The following TTC39A variants were observed in gnomAD, a reference collection of about 807,000 sequenced individuals.
TTC39A encodes tetratricopeptide repeat protein 39A.
Under a neutral mutation model 82.3 loss-of-function variants are expected in TTC39A, and 46 were observed. That is an observed-to-expected ratio of 0.56 (90% confidence interval 0.44 to 0.71). The LOEUF (loss-of-function observed/expected upper bound fraction) is 0.71, where lower values mean the gene tolerates loss of function less well. Among genes scored for constraint, TTC39A ranks in the 30% least tolerant of loss-of-function variants. TTC39A has a pLI of 0.00. For synonymous variants in TTC39A, 254 were observed against 275.2 expected, an observed-to-expected ratio of 0.92 and a Z score of 0.76; for missense variants, 543 against 712.9, an observed-to-expected ratio of 0.76 and a Z score of 2.71.
At position 51,299,528 on chromosome 1, in the gene TTC39A, G is replaced by A. The variant is rs150865525; in HGVS notation, c.1053+2044C>T. ...GAGTCTGTGGTGGCCAAGTTCTGGA[G>A]ATTAGAAATGGGTGGGGCCCCAGAA... is the stretch of plus-strand genomic sequence containing the variant. On this transcript the variant is annotated intron_variant, in intron 12 of 17. Coordinates refer to ENST00000680483, the MANE Select transcript of TTC39A (RefSeq NM_001297663.2). 4.6e-5 allele frequency: 7 copies of A among 152,488 alleles called. No individual in the cohort carries two copies. The East Asian group carries it at 1.3e-3, about 29-fold the overall frequency. The allele number at this position is 152,488 out of a possible 1,614,324, so 9.4% of individuals were successfully genotyped here. A position where few individuals can be genotyped will look rare whatever the true frequency, so the allele number is the denominator to read the frequency against.
chr1:51,344,916 G>T (rs61574820), intron 1 of TTC39A: 1 of 1,499,616 alleles, frequency 6.7e-7, no homozygotes. Flanking sequence ...CTGTTTCCCC[G>T]ACGTCGGCTG....
In TTC39A at chr1:51,330,409, C is replaced by A. The variant is rs1343704300; in HGVS notation, c.41+28G>T. The stretch of plus-strand genomic sequence containing the variant: ...CGGGCCCCAGCCCGCGCCGCCCGCG[C>A]CCCCGGGCCTCCCAGCCGCGCACTT... On this transcript the variant is annotated intron_variant, in intron 1 of 17. Transcript: ENST00000680483. The surrounding 1 kb of genome is among the most constrained non-coding windows in gnomAD (Gnocchi z 4.5). 2 of 979,638 alleles carry A rather than the reference C, an allele frequency of 2.0e-6. No homozygotes were observed. The highest frequency in any genetic ancestry group is 6.3e-5 in the Admixed American group (1 of 15,772). 60.7% of individuals were successfully genotyped at this position (979,638 alleles called of 1,614,324 possible). A position where few individuals can be genotyped will look rare whatever the true frequency, so the allele number is the denominator to read the frequency against.
chr1:51,306,685 G>A (rs1231981926), intron 6 of TTC39A, among the ~76,000 whole-genome samples: 1 of 152,166 alleles, frequency 6.6e-6, no homozygotes, highest in Non-Finnish European at 1.5e-5. Flanking sequence ...AGCCACCTGG[G>A]GCAGGACAGA....
At chr1:51,341,702 T>C (rs1422489863) in intron 1 of TTC39A, among the ~76,000 whole-genome samples, 2 of 151,750 alleles carry the variant, frequency 1.3e-5, no homozygotes, top group Admixed American at 6.6e-5. Context: ...ATTAAAAGCT[T>C]CAACACACAC....
At chr1:51,341,671 G>A (rs1482487416) in intron 1 of TTC39A, among the ~76,000 whole-genome samples, 1 of 151,926 alleles carries the variant, frequency 6.6e-6, no homozygotes, top group African/African-American at 2.4e-5. Flanking sequence ...TCAGCAACAG[G>A]GGGCAGAGTA....
At chr1:51,313,536 G>T (rs34980001) in intron 2 of TTC39A, among the ~76,000 whole-genome samples, 1 of 151,976 alleles carries the variant, frequency 6.6e-6, no homozygotes, top group Non-Finnish European at 1.5e-5. Context: ...ATGAGACGCC[G>T]GCTCTGCCCA....
intron 1 of TTC39A, among the ~76,000 whole-genome samples, chr1:51,340,268 T>C (rs1416434895): frequency 6.6e-6 from 1 of 151,898 alleles, no homozygotes; most frequent in African/African-American, 2.4e-5. Context: ...GCCAGGGTGG[T>C]GGTGGCAGTC....
intron 1 of TTC39A, chr1:51,322,345 A>C: frequency 3.8e-6 from 5 of 1,326,528 alleles, no homozygotes; most frequent in Non-Finnish European, 4.8e-6. Flanking sequence ...GGGCCTTTCA[A>C]ATTCACTTTG....
Position 51,303,066 on chromosome 1 carries a change from G to T in TTC39A, c.763+18C>A. 6.4e-7 allele frequency: 1 copy of T among 1,569,448 alleles called. No individual in the cohort carries two copies. Among genetic ancestry groups the T allele is most frequent in the Non-Finnish European group, 8.6e-7 (1 of 1,157,318 alleles). ...AGACGACCAAACCCCAGGGCCCCAG[G>T]TCCCCCTGTACACCTACCGAGCACG... On this transcript the variant is annotated intron_variant, in intron 9 of 17. Transcript: ENST00000680483.
In TTC39A at chr1:51,294,592, T is replaced by C; in HGVS notation, c.1146-81A>G. On this transcript the variant is annotated intron_variant, in intron 13 of 17. Coordinates refer to ENST00000680483, the MANE Select transcript of TTC39A (RefSeq NM_001297663.2). The surrounding 1 kb of genome is among the most constrained non-coding windows in gnomAD (Gnocchi z 4.3). Reference sequence around the variant, plus strand: ...GGGTCCCCAGCCTACCCAGCTATGCTTGGCGCCTCTCTGGGCCTCAGTTTC... The same window carrying C: ...GGGTCCCCAGCCTACCCAGCTATGCCTGGCGCCTCTCTGGGCCTCAGTTTC... The C allele has an allele frequency of 5.0e-6, 8 of 1,584,402 alleles. No individual in the cohort carries two copies. Among genetic ancestry groups the C allele is most frequent in the South Asian group, 1.1e-5 (1 of 87,686 alleles).
upstream of TTC39A, among the ~76,000 whole-genome samples, chr1:51,332,365 A>T (rs115681077): frequency 0.11 from 17,442 of 152,238 alleles, 1,355 homozygotes; most frequent in Middle Eastern, 0.27. Flanking sequence ...GGTTCAAGTG[A>T]TTCTCATCCC....
chr1:51,339,935 G>A (rs183773955), intron 1 of TTC39A, among the ~76,000 whole-genome samples: 2 of 152,260 alleles, frequency 1.3e-5, no homozygotes. Context: ...ATGGTATTAG[G>A]AGGTGGGCCC....
chr1:51,305,258 A>C (rs1569858012), intron 7 of TTC39A, 112 bp from the exon 8 acceptor site: 2 of 1,016,822 alleles, frequency 2.0e-6, no homozygotes, highest in Non-Finnish European at 1.5e-6. Context: ...GGAGAGGGCC[A>C]CCCCTCTAAC....
At chr1:51,317,903 G>A (rs1025772211) in intron 2 of TTC39A, among the ~76,000 whole-genome samples, 4 of 152,206 alleles carry the variant, frequency 2.6e-5, no homozygotes, top group East Asian at 1.9e-4. Flanking sequence ...CTGTTAGGAC[G>A]AGGGTTTCCT....
At chr1:51,323,937 T>C in intron 1 of TTC39A, among the ~76,000 whole-genome samples, 1 of 152,232 alleles carries the variant, frequency 6.6e-6, no homozygotes, top group East Asian at 1.9e-4. Flanking sequence ...TGTTTTGCAA[T>C]TATATTACAA....
chr1:51,319,794 G>A (rs1003981454), intron 2 of TTC39A, among the ~76,000 whole-genome samples: 1 of 150,830 alleles, frequency 6.6e-6, no homozygotes, highest in African/African-American at 2.4e-5. Flanking sequence ...GGGTTCAAGC[G>A]ATCCTCCCAC....
At chr1:51,309,083 G>A (rs769231364) in intron 6 of TTC39A, among the ~76,000 whole-genome samples, 178 bp downstream of exon 6, 1 of 152,216 alleles carries the variant, frequency 6.6e-6, no homozygotes, top group Non-Finnish European at 1.5e-5. Flanking sequence ...AAAGCCAGAG[G>A]AATATGATTC....
chr1:51,325,619 G>A (rs1645685914), intron 1 of TTC39A, among the ~76,000 whole-genome samples: 2 of 152,146 alleles, frequency 1.3e-5, no homozygotes, highest in South Asian at 2.1e-4. Flanking sequence ...CGGGTAACTT[G>A]GCTAAGGTCA....
intron 15 of TTC39A, 76 bp from the exon 16 acceptor site, chr1:51,290,195 G>T: frequency 7.2e-7 from 1 of 1,380,672 alleles, no homozygotes; most frequent in Non-Finnish European, 1.0e-6. Context: ...CCCCTACTTT[G>T]TGCTAGGTCA....
Sources: allele counts gnomAD v4.1 joint callset (sites outside exome capture counted in the v4.1 genomes callset), GRCh38; gene constraint gnomAD v4.1.1; non-coding constraint Gnocchi (gnomAD v3.1); transcripts MANE v1.5; gene names NCBI Gene and HGNC (gene_info 2026-07-23, HGNC 2026-07-21).